The following CHN1 variants were observed in gnomAD, a reference collection of about 807,000 sequenced individuals.
The protein encoded by CHN1 is N-chimaerin.
A neutral mutation model predicts 59.5 loss-of-function variants in CHN1; 37 were observed. That is an observed-to-expected ratio of 0.62 (90% CI 0.48 to 0.82). The LOEUF is 0.82. CHN1 is among the 40% of genes least tolerant of loss of function. The pLI, the probability that CHN1 is intolerant of heterozygous loss-of-function variation, is 0.00. For synonymous variants in CHN1, 206 were observed against 200.4 expected (o/e 1.03, Z -0.24); for missense variants, 469 against 571.0 (o/e 0.82, Z 1.82).
chr2:174,946,344 C>A lies in CHN1; in HGVS notation c.59-1401G>T, dbSNP rs144792932. ...TTACTAGGATGCATCTTGAGTTCAT[C>A]ACTAAAACATAGTATCAGGGCAATG... is the stretch of plus-strand genomic sequence containing the variant. On this transcript the variant is annotated intron_variant, in intron 2 of 12. Transcript: ENST00000409900. 3.7e-3 allele frequency among the ~76,000 whole-genome samples: 568 copies of A among 152,174 alleles called. 4 individuals carry two copies. Among genetic ancestry groups the A allele is most frequent in the African/African-American group, 0.013 (544 of 41,526 alleles).
chr2:174,897,778 G>A lies in CHN1; in HGVS notation c.260+17280C>T, dbSNP rs73973644. Among the ~76,000 whole-genome samples the A allele has an allele frequency of 1.1e-3, 169 of 152,162 alleles. 1 individual carries two copies. The highest frequency in any genetic ancestry group is 3.9e-3 in the African/African-American group (164 of 41,526). On this transcript the variant is annotated intron_variant, in intron 5 of 12. Coordinates refer to ENST00000409900, the MANE Select transcript of CHN1 (RefSeq NM_001822.7). ...CAACACAGAAAGAATAGGTTCCTTA[G>A]AACTGATTTACAATCTATTCTCTTC...
intron 6 of CHN1, among the ~76,000 whole-genome samples, chr2:174,876,772 T>C (rs1687577258): frequency 6.6e-6 from 1 of 152,188 alleles, no homozygotes; most frequent in Non-Finnish European, 1.5e-5. Flanking sequence ...ATGGCTGCTA[T>C]ATAATAACAT....
chr2:174,940,044 T>C (rs1444052722), intron 3 of CHN1, among the ~76,000 whole-genome samples: 1 of 152,154 alleles, frequency 6.6e-6, no homozygotes, highest in Non-Finnish European at 1.5e-5. Context: ...TATTTATTTA[T>C]TTTTAGACAG....
chr2:174,955,623 T>C (rs116308754), intron 1 of CHN1, among the ~76,000 whole-genome samples: 3 of 151,468 alleles, frequency 2.0e-5, no homozygotes, highest in Admixed American at 6.6e-5. Flanking sequence ...TAAAAATCTA[T>C]AGAAATAAAT....
At chr2:174,876,498 C>A (rs1687569208) in intron 6 of CHN1, among the ~76,000 whole-genome samples, 1 of 152,124 alleles carries the variant, frequency 6.6e-6, no homozygotes, top group Non-Finnish European at 1.5e-5. Flanking sequence ...ATATTAAATA[C>A]AGCAGGTATT....
At chr2:174,952,223 T>C (rs1212234690) in intron 1 of CHN1, 21 bp from the exon 2 acceptor site, 1 of 1,315,608 alleles carries the variant, frequency 7.6e-7, no homozygotes. Flanking sequence ...AAACATCAAA[T>C]TAACATTACT....
chr2:174,920,668 CTT>C (rs889089540), intron 3 of CHN1, among the ~76,000 whole-genome samples: 26 of 152,144 alleles, frequency 1.7e-4, no homozygotes, highest in Non-Finnish European at 3.5e-4. Context: ...CATAGAAAAA[CTT>C]TTGTGCTTCA....
chr2:174,895,489 G>A (rs1688192990), intron 5 of CHN1, among the ~76,000 whole-genome samples: 2 of 151,958 alleles, frequency 1.3e-5, no homozygotes, highest in Non-Finnish European at 2.9e-5. Flanking sequence ...AAAAGTTCTG[G>A]AGAGCTGTTG....
chr2:174,979,219 C>T (rs749683531), intron 1 of CHN1, among the ~76,000 whole-genome samples: 2 of 152,016 alleles, frequency 1.3e-5, no homozygotes, highest in Non-Finnish European at 2.9e-5. Context: ...AAAGAAAGCA[C>T]TTTGAAAATA....
intron 8 of CHN1, among the ~76,000 whole-genome samples, chr2:174,822,705 C>G (rs1355655698): frequency 6.6e-6 from 1 of 152,216 alleles, no homozygotes; most frequent in Middle Eastern, 3.2e-3. Context: ...AACTGCAATG[C>G]ACACTGCCTC....
chr2:174,937,782 A>C (rs772675109), intron 3 of CHN1, among the ~76,000 whole-genome samples: 6 of 151,874 alleles, frequency 4.0e-5, no homozygotes, highest in African/African-American at 7.3e-5. Flanking sequence ...CTGGCACCTC[A>C]TCCTATTAAT....
intron 1 of CHN1, among the ~76,000 whole-genome samples, chr2:174,982,495 T>C (rs1280627686): frequency 6.6e-6 from 1 of 152,208 alleles, no homozygotes; most frequent in Non-Finnish European, 1.5e-5. Context: ...CCATTCTAAC[T>C]GGTGTGAGAT....
chr2:174,891,582 G>GA (rs1184421052), intron 5 of CHN1, among the ~76,000 whole-genome samples: 2 of 147,696 alleles, frequency 1.4e-5, no homozygotes, highest in East Asian at 2.0e-4. Context: ...AAAAAAAAAA[G>GA]AAAAAAAAGA....
At position 175,001,267 on chromosome 2, in the gene CHN1, T is replaced by A. The variant is rs1158776762; in HGVS notation, c.19+3627A>T. Among the ~76,000 whole-genome samples, 7 of 152,336 alleles carry A rather than the reference T, an allele frequency of 4.6e-5. No homozygotes were observed. The South Asian group carries it at 1.0e-3, about 23-fold the overall frequency. On this transcript the variant is annotated intron_variant, in intron 1 of 12. Transcript: ENST00000409900. ...ATAAAAATGTCAGCAGAGAGTATAG[T>A]CAAGTGGGAACTTCCTATAAAATTA...
chr2:174,869,274 C>G (rs1687326630), intron 6 of CHN1, among the ~76,000 whole-genome samples: 1 of 152,204 alleles, frequency 6.6e-6, no homozygotes, highest in Admixed American at 6.5e-5. Context: ...CTATACACCT[C>G]TAATTCCTTT....
intron 1 of CHN1, among the ~76,000 whole-genome samples, chr2:174,974,057 C>T (rs1690843248): frequency 6.6e-6 from 1 of 152,124 alleles, no homozygotes; most frequent in Non-Finnish European, 1.5e-5. Flanking sequence ...AATATTACTT[C>T]TTTTTTTCCC....
In CHN1 at chr2:174,944,942, T is replaced by C. The variant is rs121912792; in HGVS notation, c.60A>G (p.Leu20=). 5.7e-6 allele frequency: 9 copies of C among 1,570,804 alleles called. No homozygotes were observed. The highest frequency in any genetic ancestry group is 5.6e-5 in the Admixed American group (3 of 53,682). The change falls in exon 3 of 13, where the codon TTA becomes TTG. Residue 20 remains leucine (L), a splice_region_variant and synonymous_variant. Transcript: ENST00000409900. The part of the protein sequence containing the change: ...EYRPPVWKSY[L]YQLQQEAPHP... ...GAGGGGCTTCCTGTTGTAGCTGATA[T>C]ACTGTGAGAAGGTAGAAACAAAAAG...
At chr2:174,888,355 G>A (rs1412996261) in intron 5 of CHN1, among the ~76,000 whole-genome samples, 3 of 152,124 alleles carry the variant, frequency 2.0e-5, no homozygotes, top group Admixed American at 6.5e-5. Flanking sequence ...AGAGCAGATG[G>A]GGAACAAGAG....
chr2:174,803,038 TGGG>T (rs373521441), intron 11 of CHN1, among the ~76,000 whole-genome samples: 1 of 151,706 alleles, frequency 6.6e-6, no homozygotes, highest in Non-Finnish European at 1.5e-5. Context: ...GAATCCATCT[TGGG>T]GGGGAATTAA....
Sources: gnomAD v4.1 joint callset for allele counts (sites outside exome capture counted in the v4.1 genomes callset) on GRCh38, gnomAD v4.1.1 for gene constraint, MANE v1.5 for transcripts, NCBI Gene and HGNC (gene_info 2026-07-23, HGNC 2026-07-21) for gene names.